TMEM74: variants seen among roughly 807,000 people sequenced by gnomAD.
TMEM74 encodes the protein transmembrane protein 74.
Under a neutral mutation model 18.1 loss-of-function variants are expected in TMEM74, and 13 were observed. The observed-to-expected ratio is 0.72, with a 90% CI of 0.47 to 1.14. TMEM74 has a LOEUF of 1.14. Among genes scored for constraint, TMEM74 ranks in the 50% most tolerant of loss-of-function variants. The pLI is 0.00. For missense variants in TMEM74, 372 were observed against 375.9 expected (o/e 0.99, Z 0.09); for synonymous variants, 159 against 146.6 (o/e 1.08, Z -0.61).
chr8:108,684,686 T>A (rs1054284554), intron 1 of TMEM74, among the ~76,000 whole-genome samples: 7 of 133,748 alleles, frequency 5.2e-5, no homozygotes, highest in Non-Finnish European at 8.0e-5. Context: ...CCTATGTTTT[T>A]CTAATAGTTT....
At chr8:108,758,747 A>G (rs2130659593) in intron 1 of TMEM74, among the ~76,000 whole-genome samples, 1 of 152,232 alleles carries the variant, frequency 6.6e-6, no homozygotes, top group Non-Finnish European at 1.5e-5. Context: ...TGTTTATAAC[A>G]GTAAAATATT....
intron 1 of TMEM74, among the ~76,000 whole-genome samples, chr8:108,689,102 C>A (rs753279419): frequency 4.4e-4 from 67 of 152,192 alleles, no homozygotes; most frequent in Non-Finnish European, 7.9e-4. Flanking sequence ...TGACTCTTCC[C>A]AGAACACTGT....
chr8:108,740,632 T>A (rs1426301513), intron 1 of TMEM74, among the ~76,000 whole-genome samples: 1 of 152,194 alleles, frequency 6.6e-6, no homozygotes, highest in African/African-American at 2.4e-5. Context: ...CTGTGTCACA[T>A]TTTTGCAATT....
At chr8:108,610,519 G>C (rs1812324011) in intron 2 of TMEM74, among the ~76,000 whole-genome samples, 1 of 152,194 alleles carries the variant, frequency 6.6e-6, no homozygotes, top group Non-Finnish European at 1.5e-5. Context: ...GTATCAAAAA[G>C]AGAATGTGGG....
chr8:108,743,379 A>G (rs1813820397), intron 1 of TMEM74, among the ~76,000 whole-genome samples: 1 of 152,200 alleles, frequency 6.6e-6, no homozygotes, highest in South Asian at 2.1e-4. Flanking sequence ...GCAGCAAAAC[A>G]ACTTTGTGAA....
At chr8:108,618,537 T>A (rs1169567866) in intron 2 of TMEM74, among the ~76,000 whole-genome samples, 1 of 152,206 alleles carries the variant, frequency 6.6e-6, no homozygotes, top group Non-Finnish European at 1.5e-5. Context: ...TATATGAAAG[T>A]AGCTCTGTGG....
chr8:108,757,615 GTTT>G (rs774757303), intron 1 of TMEM74, among the ~76,000 whole-genome samples: 1 of 151,442 alleles, frequency 6.6e-6, no homozygotes, highest in Non-Finnish European at 1.5e-5. Flanking sequence ...TCTCTTCTGT[GTTT>G]TTTTTAAACA....
intron 1 of TMEM74, among the ~76,000 whole-genome samples, chr8:108,755,768 G>T (rs957504187): frequency 6.6e-6 from 1 of 151,992 alleles, no homozygotes; most frequent in African/African-American, 2.4e-5. Context: ...AAAACGTACT[G>T]TTAAGAGTCA....
At chr8:108,677,545 TG>T (rs1410154915) in intron 1 of TMEM74, among the ~76,000 whole-genome samples, 2 of 138,126 alleles carry the variant, frequency 1.4e-5, no homozygotes, top group Non-Finnish European at 3.2e-5. Flanking sequence ...AGTATTCTGT[TG>T]TTTTTTTTTT....
At chr8:108,765,325 T>C (rs1302756469) in intron 1 of TMEM74, among the ~76,000 whole-genome samples, 1 of 151,762 alleles carries the variant, frequency 6.6e-6, no homozygotes, top group Admixed American at 6.6e-5. Flanking sequence ...GCTTCCATCA[T>C]CCTGGACTTT....
chr8:108,635,035 T>C (rs966912782), intron 2 of TMEM74, among the ~76,000 whole-genome samples: 4 of 152,112 alleles, frequency 2.6e-5, no homozygotes, highest in Admixed American at 2.6e-4. Flanking sequence ...CCCGATTCTA[T>C]AGCTTTCCAG....
chr8:108,673,849 A>G (rs1316678411), intron 1 of TMEM74, among the ~76,000 whole-genome samples: 2 of 152,208 alleles, frequency 1.3e-5, no homozygotes, highest in African/African-American at 4.8e-5. Context: ...ATAGTGGAAC[A>G]CTGTTATCAC....
intron 1 of TMEM74, among the ~76,000 whole-genome samples, chr8:108,751,383 T>C (rs748224848): frequency 3.3e-5 from 5 of 152,236 alleles, no homozygotes; most frequent in Middle Eastern, 3.4e-3. Flanking sequence ...AGAAATGCCA[T>C]TGAACTTGGA....
chr8:108,615,214 A>G (rs1471489712), intron 2 of TMEM74, among the ~76,000 whole-genome samples: 1 of 152,232 alleles, frequency 6.6e-6, no homozygotes, highest in East Asian at 1.9e-4. Flanking sequence ...GCAAAGACCA[A>G]TTCCAAGGAT....
intron 1 of TMEM74, among the ~76,000 whole-genome samples, chr8:108,681,105 A>G (rs1238470926): frequency 6.6e-6 from 1 of 152,208 alleles, no homozygotes; most frequent in East Asian, 1.9e-4. Flanking sequence ...GGTAATTTCT[A>G]GATTCAATGC....
At chr8:108,688,465 A>G (rs1421750948) in intron 1 of TMEM74, among the ~76,000 whole-genome samples, 1 of 152,190 alleles carries the variant, frequency 6.6e-6, no homozygotes, top group African/African-American at 2.4e-5. Context: ...AAGGGCTTCC[A>G]GTCTCAGCCC....
At chr8:108,714,277 A>C (rs1055286450) in intron 1 of TMEM74, among the ~76,000 whole-genome samples, 1 of 152,234 alleles carries the variant, frequency 6.6e-6, no homozygotes, top group African/African-American at 2.4e-5. Context: ...ATTCTAGAGG[A>C]GGACAATAAC....
chr8:108,627,678 G>GA (rs1002288662), intron 2 of TMEM74, among the ~76,000 whole-genome samples: 24 of 152,062 alleles, frequency 1.6e-4, no homozygotes, highest in African/African-American at 5.8e-4. Flanking sequence ...AGAGGGTTAA[G>GA]AAAAAATATC....
chr8:108,713,656 C>T (rs1813494502), intron 1 of TMEM74, among the ~76,000 whole-genome samples: 1 of 152,082 alleles, frequency 6.6e-6, no homozygotes, highest in South Asian at 2.1e-4. Context: ...ATACATATAC[C>T]ATGTTAAAAT....
Sources: gnomAD v4.1 joint callset for allele counts (sites outside exome capture counted in the v4.1 genomes callset) on GRCh38, gnomAD v4.1.1 for gene constraint, MANE v1.5 for transcripts, NCBI Gene and HGNC (gene_info 2026-07-23, HGNC 2026-07-21) for gene names.